Variants in PLXNA4 observed in about 807,000 individuals in gnomAD.
The protein encoded by PLXNA4 is plexin A4.
A neutral mutation model predicts 191.8 loss-of-function variants in PLXNA4; 44 were observed. The ratio of observed to expected loss-of-function variants is 0.23; its 90% CI spans 0.18 to 0.29. The LOEUF (loss-of-function observed/expected upper bound fraction) is 0.29, where lower values mean the gene tolerates loss of function less well. Among genes scored for constraint, PLXNA4 ranks in the 10% least tolerant of loss-of-function variants. PLXNA4 has a pLI of 1.00. For missense variants in PLXNA4, 1,800 were observed against 2,488.8 expected, an observed-to-expected ratio of 0.72 and a Z score of 5.89; for synonymous variants, 1,082 against 1,009.5, an observed-to-expected ratio of 1.07 and a Z score of -1.36.
rs942880625 is a variant in PLXNA4 at position 132,261,460 on chromosome 7, G to A, written c.1504-20294C>T. Among the ~76,000 whole-genome samples, 6 of 152,218 alleles carry A rather than the reference G, an allele frequency of 3.9e-5. No individual in the cohort carries two copies. In the East Asian group the frequency reaches 5.8e-4, roughly 15 times the overall value. ...CAGATGTGCCCAGGCCCATCTGTGCGTGAAAATGCAGACACACCACACTAT... is the reference window on the plus strand; with the variant it reads ...CAGATGTGCCCAGGCCCATCTGTGCATGAAAATGCAGACACACCACACTAT... On this transcript the variant is annotated intron_variant, in intron 4 of 31. Transcript: ENST00000321063.
At chr7:132,207,335 C>T (rs1456427147) in intron 10 of PLXNA4, among the ~76,000 whole-genome samples, 1 of 152,256 alleles carries the variant, frequency 6.6e-6, no homozygotes, top group Non-Finnish European at 1.5e-5. Context: ...GAAGCTGGGC[C>T]TGGCCCCGGC....
chr7:132,299,053 G>C (rs1336341526), intron 3 of PLXNA4, among the ~76,000 whole-genome samples: 1 of 152,198 alleles, frequency 6.6e-6, no homozygotes, highest in Non-Finnish European at 1.5e-5. Context: ...CTGGCCTCTG[G>C]ATGTTGGCCA....
intron 3 of PLXNA4, among the ~76,000 whole-genome samples, chr7:132,348,291 A>C (rs975958033): frequency 2.6e-5 from 4 of 152,158 alleles, no homozygotes; most frequent in Non-Finnish European, 5.9e-5. Flanking sequence ...AGATCATAAC[A>C]ATACCTACCT....
At chr7:132,526,484 A>G (rs1468488272) in intron 1 of PLXNA4, among the ~76,000 whole-genome samples, 1 of 152,200 alleles carries the variant, frequency 6.6e-6, no homozygotes, top group East Asian at 1.9e-4. Context: ...TGTAGGTTTC[A>G]GTTTCATCCC....
chr7:132,402,851 A>G (rs1355044417), intron 3 of PLXNA4, among the ~76,000 whole-genome samples: 1 of 152,216 alleles, frequency 6.6e-6, no homozygotes, highest in Non-Finnish European at 1.5e-5. Context: ...CGTGTCCTTG[A>G]CCCAGTTGTT....
At chr7:132,484,879 T>C in intron 3 of PLXNA4, 5 of 1,614,198 alleles carry the variant, frequency 3.1e-6, no homozygotes, top group South Asian at 1.1e-5. Flanking sequence ...TCTGATCTGA[T>C]ATTGCTTTGT....
intron 3 of PLXNA4, among the ~76,000 whole-genome samples, chr7:132,348,450 C>T (rs1168543344): frequency 5.3e-5 from 8 of 152,202 alleles, no homozygotes; most frequent in Non-Finnish European, 1.0e-4. Context: ...GAAGGTTAGT[C>T]CGTCCTCACT....
At chr7:132,439,202 G>A (rs1795591072) in intron 3 of PLXNA4, among the ~76,000 whole-genome samples, 1 of 152,184 alleles carries the variant, frequency 6.6e-6, no homozygotes, top group South Asian at 2.1e-4. Context: ...AGGTGCCGGA[G>A]CTTCAGACAC....
At chr7:132,563,964 C>A (rs1801555896) in intron 1 of PLXNA4, among the ~76,000 whole-genome samples, 1 of 98,926 alleles carries the variant, frequency 1.0e-5, no homozygotes, top group African/African-American at 3.8e-5. Flanking sequence ...CCTCCCCATT[C>A]TTTCTCCTCC....
In PLXNA4 at chr7:132,616,672, G is replaced by A. The variant is rs181064815; in HGVS notation, c.-87+29256C>T. Among the ~76,000 whole-genome samples the A allele has an allele frequency of 2.1e-3, 317 of 152,196 alleles. 4 individuals are homozygous for A. Among genetic ancestry groups the A allele is most frequent in the African/African-American group, 7.3e-3 (304 of 41,522 alleles). Reference sequence around the variant, plus strand: ...CAGACATACTCAAAATATAGAAACTGTAAAAGGAGAAAACAAAGAATAAAT... The same window carrying A: ...CAGACATACTCAAAATATAGAAACTATAAAAGGAGAAAACAAAGAATAAAT... On this transcript the variant is annotated intron_variant, in intron 2 of 4. Coordinates refer to the PLXNA4 transcript ENST00000378539.
intron 4 of PLXNA4, among the ~76,000 whole-genome samples, chr7:132,267,319 C>T (rs1799895072): frequency 6.6e-6 from 1 of 152,208 alleles, no homozygotes; most frequent in Admixed American, 6.5e-5. Context: ...ACTTTCCTCT[C>T]TAGTCAACAA....
intron 4 of PLXNA4, among the ~76,000 whole-genome samples, chr7:132,281,121 G>T (rs1800463476): frequency 6.6e-6 from 1 of 152,124 alleles, no homozygotes; most frequent in South Asian, 2.1e-4. Context: ...TGATGTGCTA[G>T]AATTGGTTTT....
chr7:132,290,750 G>A (rs1250104048), intron 4 of PLXNA4, among the ~76,000 whole-genome samples: 1 of 152,078 alleles, frequency 6.6e-6, no homozygotes, highest in Non-Finnish European at 1.5e-5. Flanking sequence ...GGCTCTGAAA[G>A]AGACAGTTAA....
intron 25 of PLXNA4, among the ~76,000 whole-genome samples, chr7:132,154,130 C>T (rs773517430): frequency 6.6e-6 from 1 of 152,166 alleles, no homozygotes; most frequent in Non-Finnish European, 1.5e-5. Context: ...ACTAGGAGCA[C>T]ACACCAGCAC....
At chr7:132,398,790 G>A (rs1032061436) in intron 3 of PLXNA4, among the ~76,000 whole-genome samples, 11 of 152,166 alleles carry the variant, frequency 7.2e-5, no homozygotes, top group South Asian at 4.1e-4. Context: ...CCCAGCCCTC[G>A]CCAGCTCGAG....
intron 12 of PLXNA4, among the ~76,000 whole-genome samples, chr7:132,201,706 T>A (rs1340870015): frequency 6.6e-6 from 1 of 152,172 alleles, no homozygotes; most frequent in Non-Finnish European, 1.5e-5. Context: ...GAGAGAGAGA[T>A]GCAGCCCTCT....
intron 3 of PLXNA4, among the ~76,000 whole-genome samples, chr7:132,301,988 G>T (rs1298628070): frequency 6.6e-6 from 1 of 152,134 alleles, no homozygotes; most frequent in Non-Finnish European, 1.5e-5. Context: ...TAGAACCCAG[G>T]TCTCCTGATT....
At chr7:132,592,130 C>A (rs1210669979) in intron 2 of PLXNA4, among the ~76,000 whole-genome samples, 1 of 152,172 alleles carries the variant, frequency 6.6e-6, no homozygotes, top group Non-Finnish European at 1.5e-5. Context: ...TCTGGGCATT[C>A]TCTGTGCAAT....
At chr7:132,608,256 A>T (rs1193577663) in intron 2 of PLXNA4, among the ~76,000 whole-genome samples, 1 of 146,158 alleles carries the variant, frequency 6.8e-6, no homozygotes, top group Non-Finnish European at 1.5e-5. Flanking sequence ...CATGGGGATA[A>T]TGAGACCCCA....
Sources: allele counts gnomAD v4.1 joint callset (sites outside exome capture counted in the v4.1 genomes callset), GRCh38; gene constraint gnomAD v4.1.1; transcripts MANE v1.5; gene names NCBI Gene and HGNC (gene_info 2026-07-23, HGNC 2026-07-21).